Variants in MS4A8 observed in about 807,000 individuals in gnomAD.
MS4A8 encodes the protein membrane spanning 4-domains A8, also known as membrane-spanning 4-domains subfamily A member 8.
Under a neutral mutation model 23.7 loss-of-function variants are expected in MS4A8, and 27 were observed. That is an observed-to-expected ratio of 1.14 (90% confidence interval 0.84 to 1.57). The LOEUF (loss-of-function observed/expected upper bound fraction) is 1.57, where lower values mean the gene tolerates loss of function less well. Ranked by LOEUF, MS4A8 falls within the 40% of genes most tolerant of loss-of-function variation. The pLI is 0.00. For missense variants in MS4A8, 301 were observed against 311.4 expected (o/e 0.97, Z 0.25); for synonymous variants, 138 against 126.3 (o/e 1.09, Z -0.62).
At position 60,700,962 on chromosome 11, in the gene MS4A8, C is replaced by G; in HGVS notation, c.102C>G (p.Pro34=). 1 of 1,614,156 alleles carries G rather than the reference C, an allele frequency of 6.2e-7. No homozygotes were observed. The highest frequency in any genetic ancestry group is 1.3e-5 in the African/African-American group (1 of 75,026). The change falls in exon 2 of 7, where the codon CCC becomes CCG. Residue 34 remains proline (P), a synonymous_variant. Transcript: ENST00000300226. ...CCCCAGGAATTATGTCTCACGTGCCCCTGTATCCAAACAGCCAGCCGCAAG... is the reference window on the plus strand; with the variant it reads ...CCCCAGGAATTATGTCTCACGTGCCGCTGTATCCAAACAGCCAGCCGCAAG... The part of the protein sequence containing the change: ...PVTPGIMSHV[P]LYPNSQPQVH...
intron 4 of MS4A8, among the ~76,000 whole-genome samples, chr11:60,707,830 T>G (rs1163045197): frequency 0.027 from 3,732 of 139,254 alleles, 161 homozygotes; most frequent in African/African-American, 0.097. Flanking sequence ...TTTTTTTTTT[T>G]TTTTTGTGTG....
chr11:60,707,371 C>G (rs1360404158), intron 4 of MS4A8, among the ~76,000 whole-genome samples: 2 of 147,270 alleles, frequency 1.4e-5, no homozygotes, highest in Non-Finnish European at 3.0e-5. Flanking sequence ...CAGAGAGGCA[C>G]AGAGCTCCCA....
intron 5 of MS4A8, among the ~76,000 whole-genome samples, chr11:60,709,866 T>C (rs1475795725): frequency 6.6e-6 from 1 of 152,252 alleles, no homozygotes; most frequent in Non-Finnish European, 1.5e-5. Flanking sequence ...ACTTCCTTTA[T>C]CCACTACCAC....
chr11:60,715,168 T>C (rs763553644), intron 6 of MS4A8, 34 bp downstream of exon 6: 1 of 1,564,128 alleles, frequency 6.4e-7, no homozygotes, highest in South Asian at 1.1e-5. Flanking sequence ...GGTGGAAAGA[T>C]GCCCCCAAAA....
At chr11:60,707,309 CGAGAGAGAGA>C (rs112128181) in intron 4 of MS4A8, among the ~76,000 whole-genome samples, 9 of 147,568 alleles carry the variant, frequency 6.1e-5, no homozygotes, top group African/African-American at 1.5e-4. Context: ...GTATGGAGAG[CGAGAGAGAGA>C]GAGAGAGAGA....
chr11:60,714,908 G>A lies in MS4A8; in HGVS notation c.535-113G>A. The A allele has an allele frequency of 4.1e-6, 3 of 734,822 alleles. No individual in the cohort carries two copies. The South Asian group carries it at 4.5e-5, about 11-fold the overall frequency. The allele number at this position is 734,822 out of a possible 1,614,324, so 45.5% of individuals were successfully genotyped here. Reference sequence around the variant, plus strand: ...GAAATTTCCCCCCACGAGGCTGAGAGAGGATAGGGGACTTCCGCAAAGCCA... The same window carrying A: ...GAAATTTCCCCCCACGAGGCTGAGAAAGGATAGGGGACTTCCGCAAAGCCA... On this transcript the variant is annotated intron_variant, in intron 5 of 6. Coordinates refer to ENST00000300226, the MANE Select transcript of MS4A8 (RefSeq NM_031457.2).
In MS4A8 at chr11:60,715,131, C is replaced by T. The variant is rs756117147; in HGVS notation, c.645C>T (p.Ser215=). The T allele has an allele frequency of 8.1e-6, 13 of 1,610,540 alleles. No homozygotes were observed. Among genetic ancestry groups the T allele is most frequent in the South Asian group, 1.1e-5 (1 of 91,028 alleles). Reference sequence around the variant, plus strand: ...GCCAGTTGGTCTGCTGTCAATCAAGCAATGTGAGTCCCAGGGTTCCTCAGT... The same window carrying T: ...GCCAGTTGGTCTGCTGTCAATCAAGTAATGTGAGTCCCAGGGTTCCTCAGT... ...FGCQLVCCQS[S]NVSVIYPNIY... is the part of the protein sequence containing the mutation. Residue 215 remains serine (S), a synonymous_variant, in exon 6 of 7, where the codon AGC becomes AGT. Coordinates refer to ENST00000300226, the MANE Select transcript of MS4A8 (RefSeq NM_031457.2).
At position 60,715,639 on chromosome 11, in the gene MS4A8, A is replaced by G; in HGVS notation, c.*225A>G. 6 of 535,654 alleles carry G rather than the reference A, an allele frequency of 1.1e-5. No individual in the cohort carries two copies. The highest frequency in any genetic ancestry group is 1.0e-4 in the South Asian group (5 of 48,562). 33.2% of individuals were successfully genotyped at this position (535,654 alleles called of 1,614,324 possible). A position where few individuals can be genotyped will look rare whatever the true frequency, so the allele number is the denominator to read the frequency against. On this transcript the variant is annotated 3_prime_UTR_variant, in exon 7 of 7. Transcript: ENST00000300226. ...AGATGTTAACCAAGAGGGACTCCCT[A>G]GGGCACATGCATCAGCACATATGTG...
chr11:60,701,232 C>G, intron 2 of MS4A8, 153 bp downstream of exon 2: 1 of 747,100 alleles, frequency 1.3e-6, no homozygotes, highest in South Asian at 1.5e-5. Flanking sequence ...GAAAGCTCAG[C>G]TGCACAACAT....
chr11:60,708,532 A>T, intron 4 of MS4A8, 118 bp from the exon 5 acceptor site: 2 of 1,031,214 alleles, frequency 1.9e-6, no homozygotes, highest in South Asian at 2.1e-5. Flanking sequence ...ATTTTATGTT[A>T]CATATATGTT....
In MS4A8 at chr11:60,714,972, C is replaced by A. The variant is rs754457243; in HGVS notation, c.535-49C>A. On this transcript the variant is annotated intron_variant, in intron 5 of 6. Coordinates refer to ENST00000300226, the MANE Select transcript of MS4A8 (RefSeq NM_031457.2). Reference sequence around the variant, plus strand: ...GCAGGGCCCCAGTGAGAGGTCAGTTCGGACTCCCAGTCCCGTGCTCCTGTC... The same window carrying A: ...GCAGGGCCCCAGTGAGAGGTCAGTTAGGACTCCCAGTCCCGTGCTCCTGTC... 3.0e-6 allele frequency: 4 copies of A among 1,344,976 alleles called. No individual in the cohort carries two copies. In the Admixed American group the frequency reaches 6.7e-5, roughly 23 times the overall value. 83.3% of individuals were successfully genotyped at this position (1,344,976 alleles called of 1,614,324 possible).
At chr11:60,709,869 A>G (rs1020443218) in intron 5 of MS4A8, among the ~76,000 whole-genome samples, 3 of 152,144 alleles carry the variant, frequency 2.0e-5, no homozygotes, top group Admixed American at 6.5e-5. Flanking sequence ...TCCTTTATCC[A>G]CTACCACTGT....
At chr11:60,714,742 C>T (rs1355698763) in intron 5 of MS4A8, among the ~76,000 whole-genome samples, 7 of 152,282 alleles carry the variant, frequency 4.6e-5, no homozygotes, top group Admixed American at 3.3e-4. Flanking sequence ...AGAGCACACC[C>T]TCAGGTCTCC....
chr11:60,710,494 G>A (rs1307601277), intron 5 of MS4A8, among the ~76,000 whole-genome samples: 1 of 152,074 alleles, frequency 6.6e-6, no homozygotes, highest in South Asian at 2.1e-4. Flanking sequence ...CAATCCTGTT[G>A]GTTCTACTTT....
At chr11:60,705,229 C>T (rs1163363561) in intron 3 of MS4A8, among the ~76,000 whole-genome samples, 2 of 152,226 alleles carry the variant, frequency 1.3e-5, no homozygotes, top group Non-Finnish European at 2.9e-5. Context: ...TCCTGTATCT[C>T]TGACCTTCGT....
At chr11:60,714,876 C>T (rs919470982) in intron 5 of MS4A8, 145 bp from the exon 6 acceptor site, 2 of 641,138 alleles carry the variant, frequency 3.1e-6, no homozygotes, top group Admixed American at 2.5e-5. Context: ...TTACAAAAAC[C>T]CGGTGGGAAA....
chr11:60,709,412 G>A (rs2088283315), intron 5 of MS4A8, among the ~76,000 whole-genome samples: 1 of 152,104 alleles, frequency 6.6e-6, no homozygotes, highest in South Asian at 2.1e-4. Flanking sequence ...GAAAGCAACA[G>A]GTGAAATTGA....
chr11:60,704,837 TAC>T (rs966616197), intron 3 of MS4A8, among the ~76,000 whole-genome samples: 74 of 59,640 alleles, frequency 1.2e-3, no homozygotes, highest in African/African-American at 4.6e-3. Flanking sequence ...CACACACACA[TAC>T]ACACACACAC....
At chr11:60,704,981 A>G (rs1360611193) in intron 3 of MS4A8, among the ~76,000 whole-genome samples, 2 of 151,730 alleles carry the variant, frequency 1.3e-5, no homozygotes, top group Non-Finnish European at 2.9e-5. Context: ...TGACTCACAC[A>G]CCTACATGTG....
Sources: allele counts gnomAD v4.1 joint callset (sites outside exome capture counted in the v4.1 genomes callset), GRCh38; gene constraint gnomAD v4.1.1; transcripts MANE v1.5; gene names NCBI Gene and HGNC (gene_info 2026-07-23, HGNC 2026-07-21).